Variants in KATNAL1 observed in about 807,000 individuals in gnomAD.
The protein encoded by KATNAL1 is katanin catalytic subunit A1 like 1.
A neutral mutation model predicts 55.2 loss-of-function variants in KATNAL1; 32 were observed. That is an observed-to-expected ratio of 0.58 (90% CI 0.44 to 0.78). KATNAL1 has a LOEUF of 0.78. KATNAL1 is among the 30% of genes least tolerant of loss of function. The pLI, the probability that KATNAL1 is intolerant of heterozygous loss-of-function variation, is 0.00. For missense variants in KATNAL1, 466 were observed against 600.9 expected (o/e 0.78, Z 2.35); for synonymous variants, 193 against 193.6 (o/e 1.00, Z 0.02).
chr13:30,212,852 C>A (rs189352710), intron 9 of KATNAL1, among the ~76,000 whole-genome samples: 1 of 152,304 alleles, frequency 6.6e-6, no homozygotes, highest in Non-Finnish European at 1.5e-5. Context: ...CTCCTAACCC[C>A]CAGTACTTCA....
chr13:30,273,876 T>C (rs1223525695), intron 3 of KATNAL1, among the ~76,000 whole-genome samples: 1 of 152,318 alleles, frequency 6.6e-6, no homozygotes, highest in East Asian at 1.9e-4. Context: ...GATCTAGATA[T>C]TATCTGCTCC....
intron 9 of KATNAL1, among the ~76,000 whole-genome samples, chr13:30,211,842 A>G (rs1034131498): frequency 3.9e-5 from 6 of 152,238 alleles, no homozygotes; most frequent in Admixed American, 2.0e-4. Flanking sequence ...ATAGGACTCA[A>G]AGCAGTGTGA....
chr13:30,231,226 A>G, intron 7 of KATNAL1, 88 bp downstream of exon 7: 2 of 1,092,912 alleles, frequency 1.8e-6, no homozygotes, highest in Non-Finnish European at 2.5e-6. Flanking sequence ...GCCCTTTTCA[A>G]AAAAGATTCC....
intron 10 of KATNAL1, 111 bp downstream of exon 10, chr13:30,210,205 G>A (rs1873540170): frequency 2.6e-6 from 2 of 782,932 alleles, no homozygotes; most frequent in South Asian, 4.3e-5. Flanking sequence ...TAAAGAAATG[G>A]GTAGCTGCTT....
chr13:30,288,059 AT>A (rs1261218852), intron 1 of KATNAL1, among the ~76,000 whole-genome samples: 1 of 152,218 alleles, frequency 6.6e-6, no homozygotes, highest in Admixed American at 6.5e-5. Flanking sequence ...TAGGGACAAT[AT>A]TTCACTTAGT....
At chr13:30,214,246 C>T (rs544386694) in intron 9 of KATNAL1, among the ~76,000 whole-genome samples, 137 of 152,300 alleles carry the variant, frequency 9.0e-4, no homozygotes, top group African/African-American at 3.2e-3. Context: ...AGAAGAACTA[C>T]AAACCACTCC....
At chr13:30,231,693 T>C (rs1179549353) in intron 6 of KATNAL1, among the ~76,000 whole-genome samples, 1 of 152,058 alleles carries the variant, frequency 6.6e-6, no homozygotes, top group Non-Finnish European at 1.5e-5. Context: ...AGAGATAACC[T>C]AACAAAAAGA....
chr13:30,284,281 G>A (rs1881626395), intron 1 of KATNAL1, among the ~76,000 whole-genome samples: 1 of 152,094 alleles, frequency 6.6e-6, no homozygotes, highest in African/African-American at 2.4e-5. Flanking sequence ...AACACCCACG[G>A]AAATAATAGG....
chr13:30,296,623 T>C (rs979498914), intron 1 of KATNAL1: 8 of 708,178 alleles, frequency 1.1e-5, no homozygotes, highest in Non-Finnish European at 2.1e-5. Flanking sequence ...GTCCAGACCA[T>C]CCAGTACACG....
intron 1 of KATNAL1, among the ~76,000 whole-genome samples, chr13:30,303,718 T>C (rs192375969): frequency 1.2e-4 from 18 of 152,318 alleles, no homozygotes; most frequent in Non-Finnish European, 2.2e-4. Flanking sequence ...AGCTCTCATA[T>C]TATCTAGTGG....
At chr13:30,237,371 A>C (rs955091335) in intron 6 of KATNAL1, among the ~76,000 whole-genome samples, 1 of 152,208 alleles carries the variant, frequency 6.6e-6, no homozygotes, top group Non-Finnish European at 1.5e-5. Context: ...GTGCAGTCTG[A>C]GAAGTGCTAA....
intron 6 of KATNAL1, among the ~76,000 whole-genome samples, chr13:30,233,041 C>T (rs565190921): frequency 1.3e-5 from 2 of 152,162 alleles, no homozygotes; most frequent in Non-Finnish European, 2.9e-5. Context: ...GGAAATGCTA[C>T]AGGACATCAG....
intron 9 of KATNAL1, among the ~76,000 whole-genome samples, chr13:30,215,365 G>A (rs1198493936): frequency 6.6e-6 from 1 of 152,196 alleles, no homozygotes; most frequent in East Asian, 1.9e-4. Context: ...AAGTCAGTGT[G>A]GTGATTCCTC....
Position 30,223,730 on chromosome 13 carries a change from G to A in KATNAL1, c.1147+3682C>T, listed in dbSNP as rs115666063. Among the ~76,000 whole-genome samples, 752 of 152,104 alleles carry A rather than the reference G, an allele frequency of 4.9e-3. 3 individuals are homozygous for A. Among genetic ancestry groups the A allele is most frequent in the African/African-American group, 0.017 (699 of 41,512 alleles). ...AACATAAAGCAGAAACTGAAAAAAC[G>A]AAAGGGAGAAATGAACAAGTTCCCA... On this transcript the variant is annotated intron_variant, in intron 9 of 10. Coordinates refer to ENST00000380615, the MANE Select transcript of KATNAL1 (RefSeq NM_032116.5).
chr13:30,278,815 G>GT (rs1293085333), intron 3 of KATNAL1, among the ~76,000 whole-genome samples: 3 of 152,084 alleles, frequency 2.0e-5, no homozygotes, highest in Admixed American at 2.0e-4. Flanking sequence ...AACTTCCATG[G>GT]TAACACTGTA....
intron 9 of KATNAL1, among the ~76,000 whole-genome samples, chr13:30,225,176 T>C (rs1281056183): frequency 6.6e-6 from 1 of 152,190 alleles, no homozygotes; most frequent in Non-Finnish European, 1.5e-5. Flanking sequence ...GAGTTCAACA[T>C]AGATTCCAAT....
chr13:30,295,538 AG>A (rs1383904833), intron 1 of KATNAL1, among the ~76,000 whole-genome samples: 3 of 152,162 alleles, frequency 2.0e-5, no homozygotes, highest in Admixed American at 1.3e-4. Flanking sequence ...CCAAGGCAAA[AG>A]GATCACTTAA....
rs184910714 is a variant in KATNAL1, at chr13:30,242,659, C to T, written c.493-1573G>A. Among the ~76,000 whole-genome samples, 792 of 151,876 alleles carry T rather than the reference C, an allele frequency of 5.2e-3. 2 individuals are homozygous for T. The highest frequency in any genetic ancestry group is 0.016 in the Admixed American group (248 of 15,238). ...GATTTCTTCTGGCTCCTATAGAGGA[C>T]GGGGTAGAGGAGGAGAATCAAAGAA... is the stretch of plus-strand genomic sequence containing the variant. On this transcript the variant is annotated intron_variant, in intron 4 of 10. Transcript: ENST00000380615.
intron 9 of KATNAL1, among the ~76,000 whole-genome samples, chr13:30,224,360 G>C (rs1275114818): frequency 6.6e-6 from 1 of 151,952 alleles, no homozygotes; most frequent in African/African-American, 2.4e-5. Context: ...GCAAGCCTCT[G>C]TCTCTACAAA....
Sources: allele counts gnomAD v4.1 joint callset (sites outside exome capture counted in the v4.1 genomes callset), GRCh38; gene constraint gnomAD v4.1.1; transcripts MANE v1.5; gene names NCBI Gene and HGNC (gene_info 2026-07-23, HGNC 2026-07-21).